GPR158: variants seen among roughly 807,000 people sequenced by gnomAD.
GPR158 encodes metabotropic glycine receptor.
Under a neutral mutation model 78.2 loss-of-function variants are expected in GPR158, and 30 were observed. The observed-to-expected ratio is 0.38, with a 90% CI of 0.29 to 0.52. The LOEUF (loss-of-function observed/expected upper bound fraction) is 0.52. Among genes scored for constraint, GPR158 ranks in the 20% least tolerant of loss-of-function variants. The pLI, the probability that GPR158 is intolerant of heterozygous loss-of-function variation, is 0.83. For missense variants in GPR158, 1,463 were observed against 1,523.5 expected, an observed-to-expected ratio of 0.96 and a Z score of 0.66; for synonymous variants, 581 against 591.1, an observed-to-expected ratio of 0.98 and a Z score of 0.25.
At chr10:25,410,620 A>ATAAAT (rs1232934155) in intron 3 of GPR158, among the ~76,000 whole-genome samples, 1 of 152,144 alleles carries the variant, frequency 6.6e-6, no homozygotes, top group African/African-American at 2.4e-5. Flanking sequence ...CATCACAAAA[A>ATAAAT]TAAATAAATA....
chr10:25,188,181 T>G (rs1852715641), intron 1 of GPR158, among the ~76,000 whole-genome samples: 1 of 152,066 alleles, frequency 6.6e-6, no homozygotes, highest in African/African-American at 2.4e-5. Flanking sequence ...ATAGGAAGAA[T>G]CAATATCATG....
chr10:25,313,493 G>GT (rs1307946468), intron 2 of GPR158, among the ~76,000 whole-genome samples: 1 of 138,836 alleles, frequency 7.2e-6, no homozygotes. Context: ...GAATCAATGG[G>GT]TAAAAAAAAA....
intron 5 of GPR158, among the ~76,000 whole-genome samples, chr10:25,490,081 A>G (rs948205639): frequency 6.6e-6 from 1 of 152,098 alleles, no homozygotes; most frequent in African/African-American, 2.4e-5. Flanking sequence ...CAGCTGGGCA[A>G]TATTCACATA....
Position 25,580,770 on chromosome 10 carries a change from G to A in GPR158, c.1753+7883G>A, listed in dbSNP as rs188697330. On this transcript the variant is annotated intron_variant, in intron 7 of 10. Transcript: ENST00000376351. ...AGTCATGGTCTCCCTCTGTCACCCC[G>A]GCTGGAGTGCAGTTGTGTGACCATA... is the stretch of plus-strand genomic sequence containing the variant. Among the ~76,000 whole-genome samples the A allele has an allele frequency of 3.3e-5, 5 of 152,014 alleles. No homozygotes were observed. The East Asian group carries it at 5.8e-4, about 18-fold the overall frequency.
intron 2 of GPR158, among the ~76,000 whole-genome samples, chr10:25,281,035 C>T (rs1416689725): frequency 6.7e-6 from 1 of 150,372 alleles, no homozygotes. Context: ...CTGGAGAGGC[C>T]GAGGCACAAG....
At chr10:25,227,068 T>A (rs1853383248) in intron 2 of GPR158, among the ~76,000 whole-genome samples, 1 of 152,186 alleles carries the variant, frequency 6.6e-6, no homozygotes, top group Admixed American at 6.6e-5. Context: ...CTTTTTAAAA[T>A]TAATAGAAAC....
intron 4 of GPR158, among the ~76,000 whole-genome samples, chr10:25,451,456 T>C (rs1835214830): frequency 6.6e-6 from 1 of 152,238 alleles, no homozygotes. Flanking sequence ...TTTGTATTTC[T>C]GCTTTGAATT....
At chr10:25,296,451 C>G (rs1854515124) in intron 2 of GPR158, among the ~76,000 whole-genome samples, 2 of 135,526 alleles carry the variant, frequency 1.5e-5, no homozygotes, top group African/African-American at 2.6e-5. Context: ...ATATTATCTA[C>G]TTGTTGGTCT....
At chr10:25,496,937 G>A (rs1835889531) in intron 5 of GPR158, among the ~76,000 whole-genome samples, 1 of 152,218 alleles carries the variant, frequency 6.6e-6, no homozygotes. Context: ...TGGGAACTTA[G>A]GAGAAAGAGA....
intron 1 of GPR158, among the ~76,000 whole-genome samples, chr10:25,199,334 C>T (rs1852888868): frequency 6.6e-6 from 1 of 152,064 alleles, no homozygotes; most frequent in Admixed American, 6.6e-5. Flanking sequence ...TCAAGTAGCC[C>T]TGGTATCTGT....
chr10:25,564,212 G>A (rs565749802), intron 6 of GPR158, among the ~76,000 whole-genome samples: 1 of 152,230 alleles, frequency 6.6e-6, no homozygotes, highest in Non-Finnish European at 1.5e-5. Flanking sequence ...TGTGTGTTGG[G>A]TATGTCATCA....
At chr10:25,209,868 T>C (rs1258590722) in intron 1 of GPR158, among the ~76,000 whole-genome samples, 1 of 152,226 alleles carries the variant, frequency 6.6e-6, no homozygotes, top group African/African-American at 2.4e-5. Context: ...TTGCCAAATA[T>C]TTTCTCTGTC....
intron 2 of GPR158, among the ~76,000 whole-genome samples, chr10:25,307,147 G>A (rs566663201): frequency 6.6e-6 from 1 of 151,940 alleles, no homozygotes; most frequent in Non-Finnish European, 1.5e-5. Flanking sequence ...TTAAGATAAT[G>A]AAAGTTGATC....
At chr10:25,269,143 A>G (rs1472677788) in intron 2 of GPR158, among the ~76,000 whole-genome samples, 2 of 152,224 alleles carry the variant, frequency 1.3e-5, no homozygotes, top group African/African-American at 2.4e-5. Flanking sequence ...GAACCAAAGA[A>G]TTTCTGACAA....
At chr10:25,522,253 G>T (rs187803570) in intron 5 of GPR158, among the ~76,000 whole-genome samples, 53 of 152,302 alleles carry the variant, frequency 3.5e-4, no homozygotes, top group Non-Finnish European at 5.1e-4. Context: ...AAAATATTTA[G>T]ATCCACGTTT....
At chr10:25,442,577 C>CTGGATGTTTAAAACTG (rs1835082834) in intron 4 of GPR158, among the ~76,000 whole-genome samples, 1 of 151,986 alleles carries the variant, frequency 6.6e-6, no homozygotes, top group South Asian at 2.1e-4. Context: ...TATATTAATA[C>CTGGATGTTTAAAACTG]GTCAGTATGT....
chr10:25,453,231 A>G (rs181197787), intron 4 of GPR158, among the ~76,000 whole-genome samples: 1 of 152,296 alleles, frequency 6.6e-6, no homozygotes, highest in East Asian at 1.9e-4. Flanking sequence ...TTTCCTTTGA[A>G]TATATATCTG....
chr10:25,315,810 T>G (rs903915625), intron 2 of GPR158, among the ~76,000 whole-genome samples: 1 of 152,084 alleles, frequency 6.6e-6, no homozygotes, highest in African/African-American at 2.4e-5. Flanking sequence ...TTAAAACACC[T>G]TTTGAAATGC....
At chr10:25,590,267 G>A (rs1346790171) in intron 8 of GPR158, among the ~76,000 whole-genome samples, 3 of 152,168 alleles carry the variant, frequency 2.0e-5, no homozygotes, top group African/African-American at 7.2e-5. Flanking sequence ...TATGGTCTGA[G>A]AACCCTGGAG....
Sources: gnomAD v4.1 joint callset for allele counts (sites outside exome capture counted in the v4.1 genomes callset) on GRCh38, gnomAD v4.1.1 for gene constraint, MANE v1.5 for transcripts, NCBI Gene and HGNC (gene_info 2026-07-23, HGNC 2026-07-21) for gene names.